The following SRGAP3 variants were observed in gnomAD, a reference collection of about 807,000 sequenced individuals.
SRGAP3 encodes the protein SLIT-ROBO Rho GTPase-activating protein 3.
A neutral mutation model predicts 121.1 loss-of-function variants in SRGAP3; 39 were observed. The observed-to-expected ratio is 0.32, with a 90% CI of 0.25 to 0.42. The LOEUF is 0.42. Ranked by LOEUF, SRGAP3 falls within the 10% of genes least tolerant of loss-of-function variation. The pLI is 1.00. For missense variants in SRGAP3, 1,213 were observed against 1,470.6 expected, an observed-to-expected ratio of 0.82 and a Z score of 2.86; for synonymous variants, 601 against 570.0, an observed-to-expected ratio of 1.05 and a Z score of -0.77.
intron 1 of SRGAP3, among the ~76,000 whole-genome samples, chr3:9,163,986 CTTT>C (rs767652463): frequency 2.6e-4 from 22 of 83,308 alleles, no homozygotes; most frequent in Non-Finnish European, 4.0e-4. Flanking sequence ...AACTACTATT[CTTT>C]TTTTTTTTTT....
intron 1 of SRGAP3, among the ~76,000 whole-genome samples, chr3:9,354,992 G>A (rs59353340): frequency 0.063 from 9,604 of 152,082 alleles, 1,054 homozygotes; most frequent in African/African-American, 0.22. Context: ...TGATATAAAC[G>A]AACATACCAT....
intron 3 of SRGAP3, among the ~76,000 whole-genome samples, chr3:9,295,473 T>C (rs1017388825): frequency 6.6e-6 from 1 of 152,198 alleles, no homozygotes; most frequent in African/African-American, 2.4e-5. Context: ...GGGGAATTCG[T>C]TGTGATTGGT....
chr3:9,128,603 C>T (rs1033680505), intron 1 of SRGAP3, among the ~76,000 whole-genome samples: 1 of 152,136 alleles, frequency 6.6e-6, no homozygotes, highest in Non-Finnish European at 1.5e-5. Flanking sequence ...TGGATACATA[C>T]ACAAAAGAAA....
At chr3:9,133,556 C>T (rs1949537650) in intron 1 of SRGAP3, among the ~76,000 whole-genome samples, 3 of 152,296 alleles carry the variant, frequency 2.0e-5, no homozygotes, top group Middle Eastern at 6.8e-3. Flanking sequence ...ATTCCTTTTA[C>T]AGCACACTAG....
chr3:9,157,802 T>G lies in SRGAP3; in HGVS notation c.68-32885A>C, dbSNP rs2675179. Among the ~76,000 whole-genome samples, 9 of 152,262 alleles carry G rather than the reference T, an allele frequency of 5.9e-5. No individual in the cohort carries two copies. In the East Asian group the frequency reaches 1.2e-3, roughly 20 times the overall value. On this transcript the variant is annotated intron_variant, in intron 1 of 21. Transcript: ENST00000383836. ...TACATCTATAACCCACACATATGTA[T>G]ATGTCACACTGTTAAAATACAAACT...
rs1944836890 is a variant in SRGAP3, at chr3:9,037,934, C to T, written c.1436+129G>A. On this transcript the variant is annotated intron_variant, in intron 11 of 21. Transcript: ENST00000383836. ...ACTGTGCCTCACCTGGGCACACCCA[C>T]ACCGGCCCTTGGGGACATTGGTGAA... 5 of 1,275,002 alleles carry T rather than the reference C, an allele frequency of 3.9e-6. No individual in the cohort carries two copies. In the South Asian group the frequency reaches 4.8e-5, roughly 12 times the overall value. The allele number at this position is 1,275,002 out of a possible 1,614,324, so 79.0% of individuals were successfully genotyped here. A position where few individuals can be genotyped will look rare whatever the true frequency, so the allele number is the denominator to read the frequency against.
chr3:9,103,529 C>A (rs1948297979), intron 3 of SRGAP3, among the ~76,000 whole-genome samples: 1 of 152,138 alleles, frequency 6.6e-6, no homozygotes, highest in Admixed American at 6.5e-5. Context: ...AGATACACAG[C>A]TAATAAATCA....
chr3:9,024,947 T>C (rs1308583629), intron 14 of SRGAP3, among the ~76,000 whole-genome samples: 1 of 152,178 alleles, frequency 6.6e-6, no homozygotes, highest in Non-Finnish European at 1.5e-5. Flanking sequence ...GTAGTCATAG[T>C]AGTAGTAACA....
intron 2 of SRGAP3, among the ~76,000 whole-genome samples, chr3:9,114,878 G>A (rs1463760056): frequency 6.6e-6 from 1 of 152,194 alleles, no homozygotes; most frequent in Admixed American, 6.5e-5. Flanking sequence ...ACATCACCGT[G>A]AACCAAGTGC....
chr3:9,049,920 T>C (rs571168269), intron 9 of SRGAP3, among the ~76,000 whole-genome samples: 18 of 149,966 alleles, frequency 1.2e-4, no homozygotes, highest in African/African-American at 4.4e-4. Context: ...GCCAGCCAAG[T>C]AGCTGGGACC....
At chr3:9,065,870 G>C (rs377524251) in intron 4 of SRGAP3, among the ~76,000 whole-genome samples, 5 of 152,144 alleles carry the variant, frequency 3.3e-5, no homozygotes, top group East Asian at 1.9e-4. Flanking sequence ...TGGGATGGAG[G>C]GTCATATGGT....
intron 3 of SRGAP3, 79 bp downstream of exon 3, chr3:9,104,601 C>G: frequency 6.3e-7 from 1 of 1,586,030 alleles, no homozygotes; most frequent in Admixed American, 1.7e-5. Context: ...AAACCACATC[C>G]CACCCTGGCT....
At chr3:9,312,710 C>T (rs1285306644) in intron 3 of SRGAP3, among the ~76,000 whole-genome samples, 27 of 152,074 alleles carry the variant, frequency 1.8e-4, no homozygotes, top group African/African-American at 5.6e-4. Context: ...CAAGGCTGGG[C>T]GCAGTGATTC....
At chr3:9,253,785 G>A (rs58715877), upstream of SRGAP3, among the ~76,000 whole-genome samples, 2,225 of 152,240 alleles carry the variant, frequency 0.015, 44 homozygotes, top group African/African-American at 0.05. Context: ...TTTATATTTT[G>A]TAAGGCTCTT....
intron 3 of SRGAP3, among the ~76,000 whole-genome samples, chr3:9,304,385 T>C (rs1332808332): frequency 2.0e-5 from 3 of 152,210 alleles, no homozygotes; most frequent in Non-Finnish European, 2.9e-5. Context: ...CCTGCCATAA[T>C]TCTCAAACCC....
At chr3:9,192,367 G>A (rs1207118094) in intron 1 of SRGAP3, 1 of 152,220 alleles carries the variant, frequency 6.6e-6, no homozygotes, top group Admixed American at 6.5e-5. Context: ...ATGCTGTATC[G>A]GTTTGATTCC....
intron 3 of SRGAP3, among the ~76,000 whole-genome samples, chr3:9,280,867 C>T (rs968476698): frequency 6.6e-6 from 1 of 152,080 alleles, no homozygotes; most frequent in Non-Finnish European, 1.5e-5. Context: ...TATGGCAACG[C>T]AAGCCACTCC....
In SRGAP3 at chr3:8,985,330, C is replaced by G; in HGVS notation, c.*189G>C. ...GTCGTCTGTTGACACGCGAGAGGTC[C>G]GTGGGATTCCCATGGCTGGACGTGA... On this transcript the variant is annotated 3_prime_UTR_variant, in exon 22 of 22. Coordinates refer to ENST00000383836, the MANE Select transcript of SRGAP3 (RefSeq NM_014850.4). This position sits in a 1 kb window ranked among gnomAD's most constrained non-coding sequence, Gnocchi z 5.1. The G allele has an allele frequency of 7.8e-7, 1 of 1,283,012 alleles. No homozygotes were observed. Among genetic ancestry groups the G allele is most frequent in the Non-Finnish European group, 1.0e-6 (1 of 971,096 alleles). The allele number at this position is 1,283,012 out of a possible 1,614,324, so 79.5% of individuals were successfully genotyped here.
intron 1 of SRGAP3, among the ~76,000 whole-genome samples, chr3:9,138,946 C>T (rs1414908623): frequency 6.6e-6 from 1 of 152,154 alleles, no homozygotes; most frequent in African/African-American, 2.4e-5. Flanking sequence ...TCAACCTGTA[C>T]CAACAGTAGT....
Sources: gnomAD v4.1 joint callset for allele counts (sites outside exome capture counted in the v4.1 genomes callset) on GRCh38, gnomAD v4.1.1 for gene constraint, Gnocchi (gnomAD v3.1) non-coding constraint, MANE v1.5 for transcripts, NCBI Gene and HGNC (gene_info 2026-07-23, HGNC 2026-07-21) for gene names.